Variants in RBFOX3 observed in about 807,000 individuals in gnomAD.
RBFOX3 encodes RNA binding protein fox-1 homolog 3.
Under a neutral mutation model 48.7 loss-of-function variants are expected in RBFOX3, and 17 were observed. The observed-to-expected ratio is 0.35, with a 90% CI of 0.24 to 0.52. The LOEUF (loss-of-function observed/expected upper bound fraction) is 0.52, where lower values mean the gene tolerates loss of function less well. Ranked by LOEUF, RBFOX3 falls within the 20% of genes least tolerant of loss-of-function variation. The probability of loss-of-function intolerance (pLI) is 0.94; values close to 1 mark genes in which losing one functional copy is unlikely to be tolerated. For missense variants in RBFOX3, 382 were observed against 497.5 expected (o/e 0.77, Z 2.21); for synonymous variants, 212 against 209.5 (o/e 1.01, Z -0.10).
At chr17:79,537,911 C>CT (rs782182932) in intron 1 of RBFOX3, among the ~76,000 whole-genome samples, 23 of 152,160 alleles carry the variant, frequency 1.5e-4, no homozygotes, top group Admixed American at 6.5e-5. Context: ...ATGAACACAC[C>CT]TGGAGGCCCA....
intron 2 of RBFOX3, among the ~76,000 whole-genome samples, chr17:79,398,031 G>C (rs57488440): frequency 0.14 from 20,778 of 152,132 alleles, 1,485 homozygotes; most frequent in Middle Eastern, 0.19. Context: ...AGTATCACAG[G>C]AGTTTAAAGA....
At chr17:79,358,322 C>T (rs1307814819) in intron 2 of RBFOX3, among the ~76,000 whole-genome samples, 1 of 152,142 alleles carries the variant, frequency 6.6e-6, no homozygotes. Flanking sequence ...AGCCGTCTTC[C>T]CCTCCCCAGC....
intron 2 of RBFOX3, among the ~76,000 whole-genome samples, chr17:79,404,509 C>T (rs781515352): frequency 2.0e-5 from 3 of 152,218 alleles, no homozygotes; most frequent in East Asian, 1.9e-4. Flanking sequence ...CACAGATGGA[C>T]GCAGAGGGCC....
intron 2 of RBFOX3, among the ~76,000 whole-genome samples, chr17:79,398,830 C>G (rs1598520229): frequency 1.3e-5 from 2 of 152,144 alleles, no homozygotes; most frequent in East Asian, 3.9e-4. Flanking sequence ...CCAACACACA[C>G]AGTGCACAGC....
At chr17:79,312,616 G>A (rs1170239034) in intron 2 of RBFOX3, among the ~76,000 whole-genome samples, 1 of 152,186 alleles carries the variant, frequency 6.6e-6, no homozygotes, top group Admixed American at 6.5e-5. Context: ...AGGGGACACA[G>A]GGGAGAGGGC....
chr17:79,656,906 A>T, the RBFOX3 span, among the ~76,000 whole-genome samples: 6 of 151,280 alleles, frequency 4.0e-5, no homozygotes, highest in Non-Finnish European at 8.9e-5. Context: ...GGAAGGAAGG[A>T]AGGAAGGAAG....
chr17:79,092,553 T>G, intron 14 of RBFOX3: 1 of 917,482 alleles, frequency 1.1e-6, no homozygotes, highest in Non-Finnish European at 1.2e-6. Context: ...GTTTGGTGTG[T>G]AATAGGCAGT....
Position 79,570,957 on chromosome 17 carries a change from A to AG in RBFOX3, c.-320+39868dup, listed in dbSNP as rs1382828425. Reference sequence around the variant, plus strand: ...GATAAGAGACTCTTACTGAAGGATGAGGGGGGGCCCCCGGGAGAAAAGAAT... The same window carrying AG: ...GATAAGAGACTCTTACTGAAGGATGAGGGGGGGGCCCCCGGGAGAAAAGAAT... On this transcript the variant is annotated intron_variant, in intron 1 of 14. Coordinates refer to ENST00000693108, the MANE Select transcript of RBFOX3 (RefSeq NM_001350451.2). 1.5e-3 allele frequency among the ~76,000 whole-genome samples: 229 copies of AG among 152,250 alleles called. 1 individual carries two copies. Among genetic ancestry groups the AG allele is most frequent in the African/African-American group, 5.2e-3 (218 of 41,534 alleles).
chr17:79,664,388 C>T, the RBFOX3 span, among the ~76,000 whole-genome samples: 1 of 151,740 alleles, frequency 6.6e-6, no homozygotes. Context: ...CTCTGTCGCC[C>T]AGGCTGGAGT....
chr17:79,491,025 CGGAGAGGAGAGGGGAGGGGA>C (rs2080422969), intron 1 of RBFOX3, among the ~76,000 whole-genome samples: 5 of 106,006 alleles, frequency 4.7e-5, no homozygotes, highest in Non-Finnish European at 1.9e-5. Context: ...TGGAGTGAAT[CGGAGAGGAGAGGGGAGGGGA>C]GGAAAGGAGA....
chr17:79,322,731 G>A (rs1030532558), intron 2 of RBFOX3, among the ~76,000 whole-genome samples: 2 of 152,168 alleles, frequency 1.3e-5, no homozygotes, highest in African/African-American at 4.8e-5. Context: ...CTCTGGGCCT[G>A]TGTGTTCATA....
At chr17:79,399,007 T>G (rs1955091163) in intron 2 of RBFOX3, among the ~76,000 whole-genome samples, 1 of 152,120 alleles carries the variant, frequency 6.6e-6, no homozygotes, top group Non-Finnish European at 1.5e-5. Flanking sequence ...GAAAACACCG[T>G]GTGAAGACAT....
chr17:79,540,533 T>C (rs1555789936), intron 1 of RBFOX3, among the ~76,000 whole-genome samples: 1 of 152,208 alleles, frequency 6.6e-6, no homozygotes, highest in African/African-American at 2.4e-5. Context: ...TGGATGGTCC[T>C]CCCACTGCCA....
At chr17:79,337,527 A>G (rs533583473) in intron 2 of RBFOX3, among the ~76,000 whole-genome samples, 3 of 152,292 alleles carry the variant, frequency 2.0e-5, no homozygotes, top group African/African-American at 7.2e-5. Context: ...TGTAATCCCA[A>G]CACTTTGGGA....
intron 1 of RBFOX3, among the ~76,000 whole-genome samples, chr17:79,507,786 C>T (rs296139): frequency 0.41 from 62,714 of 151,988 alleles, 14,183 homozygotes; most frequent in East Asian, 0.62. Context: ...CTCCTCTCTC[C>T]TTTACAGGTG....
intron 2 of RBFOX3, among the ~76,000 whole-genome samples, chr17:79,460,606 T>C (rs2075250221): frequency 6.6e-6 from 1 of 152,230 alleles, no homozygotes; most frequent in Non-Finnish European, 1.5e-5. Context: ...TGAAAACTTA[T>C]TCCTGCCACA....
At chr17:79,255,932 G>A (rs1567926613) in intron 3 of RBFOX3, among the ~76,000 whole-genome samples, 3 of 151,300 alleles carry the variant, frequency 2.0e-5, no homozygotes, top group Non-Finnish European at 4.4e-5. Context: ...GCTGCCTGCC[G>A]AGCACAGAGG....
At chr17:79,354,151 A>G (rs2084510153) in intron 2 of RBFOX3, among the ~76,000 whole-genome samples, 1 of 152,188 alleles carries the variant, frequency 6.6e-6, no homozygotes. Context: ...TGGGTGAACT[A>G]TACGGACAAC....
chr17:79,198,055 G>A lies in RBFOX3; in HGVS notation c.-34+37711C>T, dbSNP rs1051273289. ...CCGAGTGCCTCTGTCTGCGTCAGGA[G>A]AGTCGTGTGGGGTGGGCTTGTCATC... On this transcript the variant is annotated intron_variant, in intron 4 of 14. Transcript: ENST00000693108. This position sits in a 1 kb window ranked among gnomAD's most constrained non-coding sequence, Gnocchi z 8.2. 6.8e-6 allele frequency among the ~76,000 whole-genome samples: 1 copy of A among 146,482 alleles called. No individual in the cohort carries two copies. Among genetic ancestry groups the A allele is most frequent in the Non-Finnish European group, 1.5e-5 (1 of 67,092 alleles).
Sources: gnomAD v4.1 joint callset for allele counts (sites outside exome capture counted in the v4.1 genomes callset) on GRCh38, gnomAD v4.1.1 for gene constraint, Gnocchi (gnomAD v3.1) non-coding constraint, MANE v1.5 for transcripts, NCBI Gene and HGNC (gene_info 2026-07-23, HGNC 2026-07-21) for gene names.